DOP1B: variants seen among roughly 807,000 people sequenced by gnomAD.
DOP1B encodes the protein protein DOP1B.
A neutral mutation model predicts 233.5 loss-of-function variants in DOP1B; 174 were observed. The observed-to-expected ratio is 0.75, with a 90% CI of 0.66 to 0.85. The LOEUF (loss-of-function observed/expected upper bound fraction) is 0.85, where lower values mean the gene tolerates loss of function less well. Among genes scored for constraint, DOP1B ranks in the 40% least tolerant of loss-of-function variants. The probability of loss-of-function intolerance (pLI) is 0.00; values close to 1 mark genes in which losing one functional copy is unlikely to be tolerated. For synonymous variants in DOP1B, 1,190 were observed against 1,185.6 expected (o/e 1.00, Z -0.08); for missense variants, 2,652 against 2,846.6 (o/e 0.93, Z 1.56).
At chr21:36,290,909 G>C (rs2146261257) in intron 35 of DOP1B, among the ~76,000 whole-genome samples, 1 of 152,044 alleles carries the variant, frequency 6.6e-6, no homozygotes, top group African/African-American at 2.4e-5. Flanking sequence ...GGCAGAGGTT[G>C]CAGTGAGCCG....
chr21:36,281,180 C>T (rs2067411686), intron 31 of DOP1B, among the ~76,000 whole-genome samples: 1 of 152,120 alleles, frequency 6.6e-6, no homozygotes. Context: ...CCTGTAGTCC[C>T]AGCTACTTGG....
At position 36,246,842 on chromosome 21, in the gene DOP1B, C is replaced by CGTT. The variant is rs1601446431; in HGVS notation, c.4697+165_4697+166insGTT. 3.0e-5 allele frequency among the ~76,000 whole-genome samples: 4 copies of CGTT among 132,360 alleles called. No homozygotes were observed. Among genetic ancestry groups the CGTT allele is most frequent in the African/African-American group, 1.2e-4 (4 of 33,168 alleles). The allele number at this position is 132,360 out of a possible 152,430, so 86.8% of individuals were successfully genotyped here. ...TAACAAGCAACTAAATGTTCTGATC[C>CGTT]ATTATGTTATGTTATGTTATGTTAT... On this transcript the variant is annotated intron_variant, in intron 19 of 36. Transcript: ENST00000691173. The surrounding 1 kb of genome is among the most constrained non-coding windows in gnomAD (Gnocchi z 5.1).
rs1192390625 is a variant in DOP1B at position 36,263,637 on chromosome 21, T to C, written c.5407T>C (p.Phe1803Leu). ...GTTGAATCTAGCCCCACCTGGGTAT[T>C]TTCTGCTTCTCAGGTATCATGTCAC... ...VQLNLAPPGY[F>L]LLLSMLNDFV... Residue 1803 changes from phenylalanine (F) to leucine (L), a missense_variant, in exon 25 of 37, where the codon TTT becomes CTT. Coordinates refer to ENST00000691173, the MANE Select transcript of DOP1B (RefSeq NM_001320714.2). The C allele has an allele frequency of 6.2e-7, 1 of 1,614,098 alleles. No individual in the cohort carries two copies. Among genetic ancestry groups the C allele is most frequent in the East Asian group, 2.2e-5 (1 of 44,874 alleles).
rs61079403 is a variant in DOP1B, at chr21:36,215,082, A to G, written c.1129+526A>G. Among the ~76,000 whole-genome samples, 632 of 152,304 alleles carry G rather than the reference A, an allele frequency of 4.1e-3. 3 individuals carry two copies. The highest frequency in any genetic ancestry group is 0.014 in the African/African-American group (594 of 41,580). The stretch of plus-strand genomic sequence containing the variant: ...CACAATAATTTGAACATTTTTTGTT[A>G]GGAAAATACCTTTGAGCTCCTATAG... On this transcript the variant is annotated intron_variant, in intron 9 of 36. Coordinates refer to ENST00000691173, the MANE Select transcript of DOP1B (RefSeq NM_001320714.2).
At position 36,190,394 on chromosome 21, in the gene DOP1B, T is replaced by C. The variant is rs550581545; in HGVS notation, c.139-8676T>C. Among the ~76,000 whole-genome samples the C allele has an allele frequency of 9.5e-4, 137 of 144,432 alleles. 1 individual carries two copies. In the East Asian group the frequency reaches 0.025, roughly 26 times the overall value. 94.8% of individuals were successfully genotyped at this position (144,432 alleles called of 152,430 possible). On this transcript the variant is annotated intron_variant, in intron 2 of 36. Coordinates refer to ENST00000691173, the MANE Select transcript of DOP1B (RefSeq NM_001320714.2). ...GGCCATTTTTCCTGGCCAGTTCATC[T>C]CTTTCTTTTTTTTTTCTTTTCGAGA... is the stretch of plus-strand genomic sequence containing the variant.
chr21:36,226,319 C>T (rs1460039487), intron 12 of DOP1B, among the ~76,000 whole-genome samples: 1 of 150,390 alleles, frequency 6.6e-6, no homozygotes, highest in Non-Finnish European at 1.5e-5. Flanking sequence ...TCTCCTGTGA[C>T]AGAGTTTTGC....
At position 36,238,715 on chromosome 21, in the gene DOP1B, C is replaced by T. The variant is rs78062767; in HGVS notation, c.2876+14C>T. Reference sequence around the variant, plus strand: ...CTCCTTTGATAGGTGAGGCGGCCTTCGTTATGATCTACCGTTAACTCACGA... The same window carrying T: ...CTCCTTTGATAGGTGAGGCGGCCTTTGTTATGATCTACCGTTAACTCACGA... On this transcript the variant is annotated intron_variant, in intron 17 of 36. Coordinates refer to ENST00000691173, the MANE Select transcript of DOP1B (RefSeq NM_001320714.2). 921 of 1,613,166 alleles carry T rather than the reference C, an allele frequency of 5.7e-4. 4 individuals are homozygous for T. The African/African-American group carries it at 0.011, about 20-fold the overall frequency.
chr21:36,245,022 G>A lies in DOP1B; in HGVS notation c.3068-26G>A. On this transcript the variant is annotated intron_variant, in intron 18 of 36. Coordinates refer to ENST00000691173, the MANE Select transcript of DOP1B (RefSeq NM_001320714.2). The surrounding 1 kb of genome is among the most constrained non-coding windows in gnomAD (Gnocchi z 5.5). ...ATCATAGCTGACCCTTCTGTCTAAAGTCATTTGTCATCTTGTAATTTTCAG... is the reference window on the plus strand; with the variant it reads ...ATCATAGCTGACCCTTCTGTCTAAAATCATTTGTCATCTTGTAATTTTCAG... The A allele has an allele frequency of 6.4e-7, 1 of 1,573,792 alleles. No individual in the cohort carries two copies. Among genetic ancestry groups the A allele is most frequent in the African/African-American group, 1.3e-5 (1 of 74,190 alleles).
In DOP1B at chr21:36,245,283, C is replaced by CGGCGCCCCGGACAGCAGCG; in HGVS notation, c.3304_3322dup (p.Glu1108GlyfsTer89). The CGGCGCCCCGGACAGCAGCG allele has an allele frequency of 6.2e-7, 1 of 1,614,106 alleles. No homozygotes were observed. The highest frequency in any genetic ancestry group is 8.5e-7 in the Non-Finnish European group (1 of 1,180,036). ...TGGAGCTTCCAGACAGGACGGCCCACGGCGCCCCGGACAGCAGCGAGCACA... is the reference window on the plus strand; with the variant it reads ...TGGAGCTTCCAGACAGGACGGCCCACGGCGCCCCGGACAGCAGCGGGCGCCCCGGACAGCAGCGAGCACA... On this transcript the variant is annotated frameshift_variant, in exon 19 of 37. Coordinates refer to ENST00000691173, the MANE Select transcript of DOP1B (RefSeq NM_001320714.2). LOFTEE classifies it high-confidence loss of function. The surrounding 1 kb of genome is among the most constrained non-coding windows in gnomAD (Gnocchi z 5.5).
chr21:36,213,242 G>C (rs2066521021), intron 7 of DOP1B, among the ~76,000 whole-genome samples: 1 of 152,170 alleles, frequency 6.6e-6, no homozygotes, highest in African/African-American at 2.4e-5. Flanking sequence ...TGTAAAGGAT[G>C]ATTTTGTCAA....
chr21:36,175,752 T>C (rs9984471), intron 2 of DOP1B: 129,637 of 152,082 alleles, frequency 0.85, 55,286 homozygotes, highest in Non-Finnish European at 0.88. Flanking sequence ...AAGATGGCAC[T>C]GCTGTTCTCT....
intron 4 of DOP1B, among the ~76,000 whole-genome samples, chr21:36,207,505 T>A (rs560224362): frequency 2.9e-5 from 4 of 137,604 alleles, no homozygotes; most frequent in African/African-American, 1.0e-4. Flanking sequence ...TTTTGTTTTT[T>A]TTTTTTTTTT....
At chr21:36,218,644 C>G (rs1167273944) in intron 9 of DOP1B, among the ~76,000 whole-genome samples, 1 of 152,180 alleles carries the variant, frequency 6.6e-6, no homozygotes, top group Non-Finnish European at 1.5e-5. Context: ...TTGGATTAAT[C>G]TGCTTTTTTG....
chr21:36,234,741 A>G (rs1285616927), intron 15 of DOP1B, among the ~76,000 whole-genome samples: 4 of 151,972 alleles, frequency 2.6e-5, no homozygotes, highest in African/African-American at 7.3e-5. Context: ...GGGTTTTACC[A>G]TATTGGCCAC....
rs760788425 is a variant in DOP1B at position 36,214,553 on chromosome 21, A to G, written c.1126A>G (p.Ile376Val). The G allele has an allele frequency of 6.2e-7, 1 of 1,613,686 alleles. No individual in the cohort carries two copies. Residue 376 changes from isoleucine to valine, a missense_variant, in exon 9 of 37, where the codon ATA becomes GTA. Physicochemically the swap from Ile to Val is conservative, Grantham distance 29. Coordinates refer to ENST00000691173, the MANE Select transcript of DOP1B (RefSeq NM_001320714.2). The stretch of plus-strand genomic sequence containing the variant: ...CATCAGTCTGCTTGACAAGCCAGAA[A>G]TAGGTAATGTTAGAAATGCTGCTTC... The part of the protein sequence containing the change: ...VLISLLDKPE[I>V]GPQVVGNLFL...
chr21:36,198,281 T>TA (rs2123467179), intron 2 of DOP1B, among the ~76,000 whole-genome samples: 1 of 151,754 alleles, frequency 6.6e-6, no homozygotes, highest in Admixed American at 6.6e-5. Flanking sequence ...TACAAAAAAT[T>TA]AGTCAGGCAT....
chr21:36,263,864 G>C, intron 26 of DOP1B, 50 bp downstream of exon 26: 1 of 1,554,350 alleles, frequency 6.4e-7, no homozygotes, highest in African/African-American at 1.4e-5. Flanking sequence ...CAGCAGTGCT[G>C]TCCTCCTTTG....
chr21:36,222,272 C>A (rs1375247062), intron 10 of DOP1B, among the ~76,000 whole-genome samples: 1 of 151,904 alleles, frequency 6.6e-6, no homozygotes, highest in African/African-American at 2.4e-5. Flanking sequence ...AATAAATTTC[C>A]TGAGCCATAG....
intron 2 of DOP1B, among the ~76,000 whole-genome samples, chr21:36,178,060 CCTT>C (rs1305459267): frequency 6.6e-6 from 1 of 152,162 alleles, no homozygotes; most frequent in Non-Finnish European, 1.5e-5. Context: ...TTGTGTTTCT[CCTT>C]CTCCCCTCAA....
Sources: gnomAD v4.1 joint callset for allele counts (sites outside exome capture counted in the v4.1 genomes callset) on GRCh38, gnomAD v4.1.1 for gene constraint, Gnocchi (gnomAD v3.1) non-coding constraint, MANE v1.5 for transcripts, NCBI Gene and HGNC (gene_info 2026-07-23, HGNC 2026-07-21) for gene names.